USP47: variants seen among roughly 807,000 people sequenced by gnomAD.
USP47 encodes the protein ubiquitin specific peptidase 47, also known as ubiquitin carboxyl-terminal hydrolase 47.
USP47 carries 35 observed loss-of-function variants against 165.1 expected under a neutral mutation model. The observed-to-expected ratio is 0.21, with a 90% CI of 0.16 to 0.28. USP47 has a LOEUF of 0.28. Ranked by LOEUF, USP47 falls within the 10% of genes least tolerant of loss-of-function variation. The pLI is 1.00. For missense variants in USP47, 1,277 were observed against 1,607.4 expected, an observed-to-expected ratio of 0.79 and a Z score of 3.52; for synonymous variants, 531 against 544.5, an observed-to-expected ratio of 0.98 and a Z score of 0.35.
intron 1 of USP47, among the ~76,000 whole-genome samples, chr11:11,854,761 T>C (rs1848929806): frequency 1.4e-5 from 2 of 147,556 alleles, no homozygotes; most frequent in East Asian, 2.0e-4. Context: ...CAGGTTCTCT[T>C]ATATGATCAA....
chr11:11,853,796 C>A (rs1848862165), intron 1 of USP47, among the ~76,000 whole-genome samples: 1 of 152,096 alleles, frequency 6.6e-6, no homozygotes, highest in Admixed American at 6.5e-5. Context: ...AGATATATGT[C>A]TCAAGTTTTG....
intron 11 of USP47, among the ~76,000 whole-genome samples, chr11:11,926,578 C>T (rs1011690542): frequency 6.6e-6 from 1 of 151,838 alleles, no homozygotes; most frequent in Non-Finnish European, 1.5e-5. Flanking sequence ...CTTAGCCTAG[C>T]TAAGGGTTTG....
chr11:11,919,438 C>A (rs989757557), intron 8 of USP47, among the ~76,000 whole-genome samples: 1 of 151,810 alleles, frequency 6.6e-6, no homozygotes, highest in African/African-American at 2.4e-5. Flanking sequence ...TCGTGAAAAA[C>A]CAATTACTAA....
intron 3 of USP47, among the ~76,000 whole-genome samples, chr11:11,886,826 T>G (rs1590304365): frequency 1.3e-5 from 2 of 152,000 alleles, no homozygotes; most frequent in African/African-American, 4.8e-5. Flanking sequence ...ATAAAAAATG[T>G]TAAGGGTAAC....
intron 24 of USP47, chr11:11,952,269 A>G (rs1346602083): frequency 6.6e-6 from 1 of 152,402 alleles, no homozygotes; most frequent in Non-Finnish European, 1.5e-5. Context: ...AAAAGTGACA[A>G]TTGAGTTGAT....
Position 11,922,902 on chromosome 11 carries a change from T to C in USP47, c.1386+11T>C. The C allele has an allele frequency of 6.2e-7, 1 of 1,606,248 alleles. No homozygotes were observed. Among genetic ancestry groups the C allele is most frequent in the Non-Finnish European group, 8.5e-7 (1 of 1,176,118 alleles). On this transcript the variant is annotated intron_variant, in intron 11 of 27. Coordinates refer to ENST00000527733, the MANE Select transcript of USP47 (RefSeq NM_001282659.2). ...TCTGGACTTGAAAAGGTACCTTTTA[T>C]AGTTTGCATTTTTTAGTTGAAAGTG...
intron 1 of USP47, among the ~76,000 whole-genome samples, chr11:11,874,437 A>T (rs1227263469): frequency 6.6e-6 from 1 of 152,136 alleles, no homozygotes; most frequent in African/African-American, 2.4e-5. Context: ...TGCAGTTTTG[A>T]GGTGGGATGA....
In USP47 at chr11:11,952,907, T is replaced by C. The variant is rs775406656; in HGVS notation, c.3714+36T>C. The C allele has an allele frequency of 6.2e-5, 88 of 1,413,532 alleles. 1 individual carries two copies. In the Admixed American group the frequency reaches 2.1e-3, roughly 33 times the overall value. The allele number at this position is 1,413,532 out of a possible 1,614,324, so 87.6% of individuals were successfully genotyped here. A position where few individuals can be genotyped will look rare whatever the true frequency, so the allele number is the denominator to read the frequency against. On this transcript the variant is annotated intron_variant, in intron 25 of 27. Coordinates refer to ENST00000527733, the MANE Select transcript of USP47 (RefSeq NM_001282659.2). ...TTTAAACAAAACATGTATCTTATGT[T>C]GTATATGTATATCATAATATTAATA...
intron 14 of USP47, 46 bp from the exon 15 acceptor site, chr11:11,932,958 G>C: frequency 6.9e-7 from 1 of 1,446,646 alleles, no homozygotes; most frequent in Non-Finnish European, 9.6e-7. Context: ...AATAAAGGCA[G>C]CTCAGTTTCA....
intron 15 of USP47, 51 bp downstream of exon 15, chr11:11,933,167 C>T: frequency 1.4e-6 from 2 of 1,434,528 alleles, no homozygotes; most frequent in Non-Finnish European, 1.9e-6. Context: ...TTTAAGCTCG[C>T]TTACCTGCAA....
At chr11:11,889,471 A>G (rs985248027) in intron 3 of USP47, among the ~76,000 whole-genome samples, 3 of 152,102 alleles carry the variant, frequency 2.0e-5, no homozygotes, top group Non-Finnish European at 4.4e-5. Flanking sequence ...ATTGCTACAG[A>G]AAGAAAATAC....
chr11:11,941,360 C>A (rs541151093), intron 19 of USP47, among the ~76,000 whole-genome samples: 1 of 151,788 alleles, frequency 6.6e-6, no homozygotes, highest in Non-Finnish European at 1.5e-5. Context: ...TTTCCTTAAA[C>A]GGTTAGCGTA....
At chr11:11,860,091 GAA>G (rs71037045) in intron 1 of USP47, among the ~76,000 whole-genome samples, 1 of 137,588 alleles carries the variant, frequency 7.3e-6, no homozygotes. Context: ...GCAACAGAAG[GAA>G]AAAAAAAAAA....
At chr11:11,881,388 A>G (rs1850819111) in intron 2 of USP47, among the ~76,000 whole-genome samples, 2 of 152,104 alleles carry the variant, frequency 1.3e-5, no homozygotes, top group South Asian at 4.1e-4. Context: ...CCAAGGAGAA[A>G]AAGAGAGGAG....
chr11:11,911,910 C>T (rs541930613), intron 8 of USP47, among the ~76,000 whole-genome samples: 30 of 151,784 alleles, frequency 2.0e-4, no homozygotes, highest in African/African-American at 7.2e-4. Context: ...TTTTCAACAA[C>T]AGTGGAATCA....
chr11:11,885,198 C>T (rs1851077054), intron 3 of USP47, among the ~76,000 whole-genome samples: 2 of 151,386 alleles, frequency 1.3e-5, no homozygotes, highest in East Asian at 1.9e-4. Flanking sequence ...TCTCTCAGTG[C>T]GTTGTAGAGG....
At chr11:11,894,076 A>T (rs1851704491) in intron 4 of USP47, among the ~76,000 whole-genome samples, 1 of 152,166 alleles carries the variant, frequency 6.6e-6, no homozygotes, top group South Asian at 2.1e-4. Flanking sequence ...AATAGGAGGT[A>T]ATTAAACTGT....
At chr11:11,844,947 C>T (rs1377204911) in intron 1 of USP47, among the ~76,000 whole-genome samples, 2 of 151,990 alleles carry the variant, frequency 1.3e-5, no homozygotes, top group Non-Finnish European at 2.9e-5. Context: ...GCCTGTGGTC[C>T]AGATCAGTTC....
intron 1 of USP47, among the ~76,000 whole-genome samples, chr11:11,847,279 G>GTT (rs760902600): frequency 5.6e-5 from 8 of 142,024 alleles, no homozygotes; most frequent in African/African-American, 1.8e-4. Context: ...TTTACATAGT[G>GTT]TTTTTTTTTT....
Sources: allele counts gnomAD v4.1 joint callset (sites outside exome capture counted in the v4.1 genomes callset), GRCh38; gene constraint gnomAD v4.1.1; transcripts MANE v1.5; gene names NCBI Gene and HGNC (gene_info 2026-07-23, HGNC 2026-07-21).